Variants in ZNF32 observed in about 807,000 individuals in gnomAD.
ZNF32 encodes the protein zinc finger protein 32.
Under a neutral mutation model 24.4 loss-of-function variants are expected in ZNF32, and 13 were observed. That is an observed-to-expected ratio of 0.53 (90% CI 0.35 to 0.85). ZNF32 has a LOEUF of 0.85. Among genes scored for constraint, ZNF32 ranks in the 40% least tolerant of loss-of-function variants. The pLI is 0.01. For synonymous variants in ZNF32, 115 were observed against 117.4 expected (o/e 0.98, Z 0.13); for missense variants, 239 against 325.3 (o/e 0.73, Z 2.04).
intron 1 of ZNF32, among the ~76,000 whole-genome samples, chr10:43,646,820 C>G (rs1839310304): frequency 6.6e-6 from 1 of 152,166 alleles, no homozygotes; most frequent in Non-Finnish European, 1.5e-5. Context: ...CAAGGCACTC[C>G]AACTAGGTTA....
chr10:43,646,044 C>A lies in ZNF32; in HGVS notation c.70+20G>T, dbSNP rs749531405. On this transcript the variant is annotated intron_variant, in intron 2 of 2. Transcript: ENST00000374433. ...ATATCTGTGAGCTGAGCGCATCCAG[C>A]CATCAACTGACTCACTCACTGAAGA... 1.2e-6 allele frequency: 2 copies of A among 1,613,856 alleles called. No homozygotes were observed. Among genetic ancestry groups the A allele is most frequent in the Non-Finnish European group, 8.5e-7 (1 of 1,179,842 alleles).
chr10:43,644,344 A>G lies in ZNF32; in HGVS notation c.528T>C (p.Leu176=). The G allele has an allele frequency of 6.2e-7, 1 of 1,613,816 alleles. No individual in the cohort carries two copies. The highest frequency in any genetic ancestry group is 8.5e-7 in the Non-Finnish European group (1 of 1,179,754). ...CQRSFRNQSN[L]AVHRRVHSGE... is the part of the protein sequence containing the mutation. ...CACTGTGAACTCTCCTGTGAACAGC[A>G]AGGTTACTCTGATTCCTGAAGCTTC... Residue 176 remains leucine, a synonymous_variant, in exon 3 of 3, where the codon CTT becomes CTC. Transcript: ENST00000374433. The surrounding 1 kb of genome is among the most constrained non-coding windows in gnomAD (Gnocchi z 5.3).
chr10:43,645,449 C>G (rs1839254781), intron 2 of ZNF32, among the ~76,000 whole-genome samples: 1 of 152,226 alleles, frequency 6.6e-6, no homozygotes, highest in African/African-American at 2.4e-5. Context: ...CTAATCCCTG[C>G]AACCCTACAA....
At chr10:43,646,233 G>A in intron 1 of ZNF32, 31 bp from the exon 2 acceptor site, 2 of 1,319,664 alleles carry the variant, frequency 1.5e-6, no homozygotes, top group Non-Finnish European at 2.1e-6. Context: ...GAAACAAACA[G>A]GAAAGGGCAG....
Position 43,644,812 on chromosome 10 carries a change from G to C in ZNF32, c.71-11C>G, listed in dbSNP as rs746204277. 7 of 1,572,500 alleles carry C rather than the reference G, an allele frequency of 4.5e-6. No individual in the cohort carries two copies. The highest frequency in any genetic ancestry group is 6.0e-6 in the Non-Finnish European group (7 of 1,163,322). On this transcript the variant is annotated splice_polypyrimidine_tract_variant and intron_variant, in intron 2 of 2. Coordinates refer to ENST00000374433, the MANE Select transcript of ZNF32 (RefSeq NM_006973.3). This position sits in a 1 kb window ranked among gnomAD's most constrained non-coding sequence, Gnocchi z 5.3. ...CTTCAGTCATCACATCTGATAAAAT[G>C]AGAGGGAAGTCATATAAGAAGCACC... is the stretch of plus-strand genomic sequence containing the variant.
intron 1 of ZNF32, chr10:43,648,482 C>A (rs1839397301): frequency 6.6e-6 from 1 of 152,092 alleles, no homozygotes; most frequent in African/African-American, 2.4e-5. Context: ...GCGGCCTCCC[C>A]CTCCCACGCC....
intron 1 of ZNF32, 47 bp from the exon 2 acceptor site, chr10:43,646,249 T>C (rs1588854898): frequency 1.7e-6 from 2 of 1,151,158 alleles, no homozygotes; most frequent in Admixed American, 2.5e-5. Flanking sequence ...GGCAGAATAA[T>C]TGATATGTGA....
At position 43,644,468 on chromosome 10, in the gene ZNF32, C is replaced by T. The variant is rs1459712747; in HGVS notation, c.404G>A (p.Cys135Tyr). Residue 135 changes from cysteine to tyrosine, a missense_variant, in exon 3 of 3, where the codon TGC (cysteine) becomes TAC (tyrosine). By Grantham distance (194) the Cys-to-Tyr change is radical (BLOSUM62 -2). Transcript: ENST00000374433. This position sits in a 1 kb window ranked among gnomAD's most constrained non-coding sequence, Gnocchi z 5.3. ...RIHTGEKPYQ[C>Y]KECGKSFSQR... ...ACTGAAGCTTTTCCCACACTCCTTG[C>T]ACTGATAAGGCTTCTCTCCCGTGTG... is the stretch of plus-strand genomic sequence containing the variant. 4.3e-6 allele frequency: 7 copies of T among 1,614,224 alleles called. No individual in the cohort carries two copies. Among genetic ancestry groups the T allele is most frequent in the Non-Finnish European group, 5.9e-6 (7 of 1,180,044 alleles).
At chr10:43,648,593 C>T (rs1311226515) in intron 1 of ZNF32, 1 of 152,296 alleles carries the variant, frequency 6.6e-6, no homozygotes, top group Non-Finnish European at 1.5e-5. Flanking sequence ...ACCTCGGCAT[C>T]CCGCTCTCCG....
Position 43,644,809 on chromosome 10 carries a change from A to C in ZNF32, c.71-8T>G. On this transcript the variant is annotated splice_polypyrimidine_tract_variant and splice_region_variant and intron_variant, in intron 2 of 2. Coordinates refer to ENST00000374433, the MANE Select transcript of ZNF32 (RefSeq NM_006973.3). This position sits in a 1 kb window ranked among gnomAD's most constrained non-coding sequence, Gnocchi z 5.3. Reference sequence around the variant, plus strand: ...GGGCTTCAGTCATCACATCTGATAAAATGAGAGGGAAGTCATATAAGAAGC... The same window carrying C: ...GGGCTTCAGTCATCACATCTGATAACATGAGAGGGAAGTCATATAAGAAGC... 1 of 1,573,718 alleles carries C rather than the reference A, an allele frequency of 6.4e-7. No homozygotes were observed.
At chr10:43,648,542 AGGCCCCGGGCCCCG>A (rs1171564368) in intron 1 of ZNF32, 2 of 152,126 alleles carry the variant, frequency 1.3e-5, no homozygotes, top group South Asian at 4.1e-4. Context: ...CTCCCGCCTC[AGGCCCCGGGCCCCG>A]GGCACCGGGC....
Position 43,644,094 on chromosome 10 carries a change from G to A in ZNF32, c.778C>T (p.Leu260=). ...GAGCAGCTTCGCTGGTGCACAGCCA[G>A]ACTCCCTCTCTGGGTGAAGCTTTTT... The part of the protein sequence containing the change: ...CGKSFTQRGS[L]AVHQRSCSQR... The change falls in exon 3 of 3, where the codon CTG becomes TTG. Residue 260 remains leucine, a synonymous_variant. Transcript: ENST00000374433. This position sits in a 1 kb window ranked among gnomAD's most constrained non-coding sequence, Gnocchi z 5.3. 1 of 1,614,158 alleles carries A rather than the reference G, an allele frequency of 6.2e-7. No homozygotes were observed. Among genetic ancestry groups the A allele is most frequent in the East Asian group, 2.2e-5 (1 of 44,892 alleles).
intron 2 of ZNF32, among the ~76,000 whole-genome samples, chr10:43,645,247 A>G (rs1839245158): frequency 6.6e-6 from 1 of 152,220 alleles, no homozygotes; most frequent in Admixed American, 6.5e-5. Flanking sequence ...TTTTAGAGGC[A>G]CCCTTTTAAG....
chr10:43,644,298 C>T lies in ZNF32; in HGVS notation c.574G>A (p.Asp192Asn). 6.2e-7 allele frequency: 1 copy of T among 1,614,214 alleles called. No individual in the cohort carries two copies. The highest frequency in any genetic ancestry group is 1.7e-5 in the Admixed American group (1 of 60,028). ...TGACTGAAGGCTTTTCCACACTGAT[C>T]ACATCTATAGGGCTTCTCACCACTG... ...VHSGEKPYRC[D>N]QCGKAFSQKG... Residue 192 changes from aspartate to asparagine, a missense_variant, in exon 3 of 3, where the codon GAT (aspartate) becomes AAT (asparagine). Coordinates refer to ENST00000374433, the MANE Select transcript of ZNF32 (RefSeq NM_006973.3). The surrounding 1 kb of genome is among the most constrained non-coding windows in gnomAD (Gnocchi z 5.3).
At chr10:43,646,367 C>T (rs1300853701) in intron 1 of ZNF32, 165 bp from the exon 2 acceptor site, 10 of 504,892 alleles carry the variant, frequency 2.0e-5, no homozygotes, top group Non-Finnish European at 3.6e-5. Flanking sequence ...CCCAAAGGTA[C>T]CAGGACCACA....
chr10:43,645,202 T>A lies in ZNF32; in HGVS notation c.71-401A>T, dbSNP rs570406833. On this transcript the variant is annotated intron_variant, in intron 2 of 2. Coordinates refer to ENST00000374433, the MANE Select transcript of ZNF32 (RefSeq NM_006973.3). ...CTTTTATCTGACTCCAAAACAGGTG[T>A]GGATCCAGGCTATATAAGGCCTAAA... 5.3e-5 allele frequency among the ~76,000 whole-genome samples: 8 copies of A among 152,326 alleles called. No homozygotes were observed. The South Asian group carries it at 1.7e-3, about 32-fold the overall frequency.
At chr10:43,646,839 GC>G (rs1340603367) in intron 1 of ZNF32, among the ~76,000 whole-genome samples, 9 of 152,172 alleles carry the variant, frequency 5.9e-5, no homozygotes, top group Non-Finnish European at 1.3e-4. Flanking sequence ...TAAGTAACTT[GC>G]CCAGAAACCC....
chr10:43,646,967 G>T (rs2132381933), intron 1 of ZNF32: 1 of 152,318 alleles, frequency 6.6e-6, no homozygotes, highest in East Asian at 1.9e-4. Context: ...GAGCTGGTCA[G>T]AATGCTTATA....
intron 1 of ZNF32, 163 bp downstream of exon 1, chr10:43,648,639 T>G (rs1163366177): frequency 2.0e-5 from 3 of 151,998 alleles, no homozygotes; most frequent in African/African-American, 7.3e-5. Context: ...CGCCGACCTC[T>G]CCGCTCGCGG....
Sources: gnomAD v4.1 joint callset for allele counts (sites outside exome capture counted in the v4.1 genomes callset) on GRCh38, gnomAD v4.1.1 for gene constraint, Gnocchi (gnomAD v3.1) non-coding constraint, MANE v1.5 for transcripts, NCBI Gene and HGNC (gene_info 2026-07-23, HGNC 2026-07-21) for gene names.